Variants in AKAP7 observed in about 807,000 individuals in gnomAD.
AKAP7 encodes the protein A kinase (PRKA) anchor protein 7.
In AKAP7, 39 loss-of-function variants were observed where a neutral mutation model predicts 39.5. That is an observed-to-expected ratio of 0.99 (90% CI 0.76 to 1.29). The LOEUF (loss-of-function observed/expected upper bound fraction) is 1.29. Among genes scored for constraint, AKAP7 ranks in the 50% most tolerant of loss-of-function variants. The pLI, the probability that AKAP7 is intolerant of heterozygous loss-of-function variation, is 0.00. For missense variants in AKAP7, 414 were observed against 407.7 expected (o/e 1.02, Z -0.13); for synonymous variants, 140 against 139.1 (o/e 1.01, Z -0.05).
the AKAP7 span, among the ~76,000 whole-genome samples, chr6:131,129,838 T>A: frequency 1.4e-3 from 211 of 152,362 alleles, 1 homozygote; most frequent in African/African-American, 4.7e-3. Context: ...TTTGGCCGTG[T>A]CTTGTAGAAC....
intron 6 of AKAP7, among the ~76,000 whole-genome samples, chr6:131,210,145 C>A (rs1410969015): frequency 6.6e-6 from 1 of 152,184 alleles, no homozygotes; most frequent in African/African-American, 2.4e-5. Context: ...CAATCCAAAA[C>A]CATAACTAGT....
intron 7 of AKAP7, among the ~76,000 whole-genome samples, chr6:131,275,311 C>T (rs575867976): frequency 6.6e-6 from 1 of 152,212 alleles, no homozygotes; most frequent in Non-Finnish European, 1.5e-5. Flanking sequence ...TATTGTCATC[C>T]CCATGATACC....
At chr6:131,246,204 C>A (rs1811991516) in intron 7 of AKAP7, among the ~76,000 whole-genome samples, 1 of 151,786 alleles carries the variant, frequency 6.6e-6, no homozygotes, top group African/African-American at 2.4e-5. Flanking sequence ...CCATTAGAGA[C>A]AATAATCAGA....
Position 131,281,498 on chromosome 6 carries a change from C to T in AKAP7, c.851-32C>T. ...CCAAGTTTCTATGGCAATGTGATCT[C>T]AGTGACCTCTCTTCTCTATTGTGGA... is the stretch of plus-strand genomic sequence containing the variant. On this transcript the variant is annotated intron_variant, in intron 7 of 7. Transcript: ENST00000431975. The surrounding 1 kb of genome is among the most constrained non-coding windows in gnomAD (Gnocchi z 4.0). 1 of 1,523,678 alleles carries T rather than the reference C, an allele frequency of 6.6e-7. No individual in the cohort carries two copies. Among genetic ancestry groups the T allele is most frequent in the Non-Finnish European group, 8.8e-7 (1 of 1,130,000 alleles). 94.4% of individuals were successfully genotyped at this position (1,523,678 alleles called of 1,614,324 possible).
chr6:131,151,130 C>T (rs1801876404), intron 2 of AKAP7, among the ~76,000 whole-genome samples: 1 of 151,934 alleles, frequency 6.6e-6, no homozygotes, highest in Admixed American at 6.6e-5. Flanking sequence ...GCAACCTCTG[C>T]CTCCTGGGTT....
At chr6:131,168,967 T>G in intron 4 of AKAP7, 146 bp from the exon 5 acceptor site, 1 of 691,746 alleles carries the variant, frequency 1.4e-6, no homozygotes, top group Non-Finnish European at 2.3e-6. Context: ...AATCATAAAG[T>G]TTAGATTTAG....
intron 7 of AKAP7, among the ~76,000 whole-genome samples, chr6:131,255,159 G>A (rs933836687): frequency 1.3e-5 from 2 of 152,100 alleles, no homozygotes; most frequent in Non-Finnish European, 2.9e-5. Context: ...TCACATGTCT[G>A]CTCTATCTTA....
chr6:131,137,931 C>A (rs1407452821), intron 1 of AKAP7, among the ~76,000 whole-genome samples: 1 of 152,162 alleles, frequency 6.6e-6, no homozygotes, highest in Non-Finnish European at 1.5e-5. Flanking sequence ...AGAGCATATG[C>A]AATTTTATAT....
At chr6:131,209,282 G>A (rs556477359) in intron 6 of AKAP7, among the ~76,000 whole-genome samples, 75 of 151,570 alleles carry the variant, frequency 4.9e-4, no homozygotes, top group African/African-American at 1.7e-3. Context: ...ATGGAGTCTC[G>A]CTCTGACTCC....
At chr6:131,272,824 G>T (rs1163049356) in intron 7 of AKAP7, among the ~76,000 whole-genome samples, 1 of 152,148 alleles carries the variant, frequency 6.6e-6, no homozygotes, top group Non-Finnish European at 1.5e-5. Context: ...GTATTCTGTT[G>T]TTGGCTGGAG....
In AKAP7 at chr6:131,272,197, T is replaced by A. The variant is rs557222523; in HGVS notation, c.851-9333T>A. Among the ~76,000 whole-genome samples, 8 of 152,368 alleles carry A rather than the reference T, an allele frequency of 5.3e-5. No individual in the cohort carries two copies. In the East Asian group the frequency reaches 1.5e-3, roughly 29 times the overall value. On this transcript the variant is annotated intron_variant, in intron 7 of 7. Transcript: ENST00000431975. ...CCTGATTATCCTCTTAATGTTTGTA[T>A]AATCGATAGTGATGTTTCCACCCCC...
rs761198146 is a variant in AKAP7, at chr6:131,169,802, TTTTTA to T, written c.589+534_589+538del. ...GTATTAGCCTACATGCTGTGAGAAA[TTTTTA>T]TTTTCACTTCATTTCATGTCATGTC... On this transcript the variant is annotated intron_variant, in intron 5 of 7. Coordinates refer to ENST00000431975, the MANE Select transcript of AKAP7 (RefSeq NM_016377.4). Among the ~76,000 whole-genome samples the T allele has an allele frequency of 2.2e-3, 334 of 152,156 alleles. 1 individual carries two copies. The highest frequency in any genetic ancestry group is 3.4e-3 in the Non-Finnish European group (228 of 68,000).
intron 7 of AKAP7, among the ~76,000 whole-genome samples, chr6:131,269,673 T>C (rs150692326): frequency 1.0e-3 from 152 of 152,308 alleles, no homozygotes; most frequent in African/African-American, 3.4e-3. Flanking sequence ...AATCAGAATA[T>C]TGGCTACCAA....
chr6:131,137,041 A>T (rs978703190), intron 1 of AKAP7, among the ~76,000 whole-genome samples: 1 of 152,190 alleles, frequency 6.6e-6, no homozygotes. Flanking sequence ...GGCTCACTGC[A>T]GCCTAGATCG....
At chr6:131,164,231 G>A (rs1225983726) in intron 3 of AKAP7, 1 of 359,242 alleles carries the variant, frequency 2.8e-6, no homozygotes, top group African/African-American at 2.1e-5. Context: ...TCTGTCTTCT[G>A]TTCCCTTAGG....
At chr6:131,185,450 C>A in intron 5 of AKAP7, 1 of 410,442 alleles carries the variant, frequency 2.4e-6, no homozygotes, top group South Asian at 2.9e-5. Context: ...GTACTGCTCC[C>A]AAGGAACTTC....
intron 2 of AKAP7, among the ~76,000 whole-genome samples, chr6:131,154,606 C>T (rs1360361475): frequency 6.6e-6 from 1 of 151,016 alleles, no homozygotes; most frequent in South Asian, 2.1e-4. Context: ...AGACATATTA[C>T]TTTATCTGTA....
At chr6:131,205,807 T>G (rs1808042504) in intron 6 of AKAP7, among the ~76,000 whole-genome samples, 1 of 152,192 alleles carries the variant, frequency 6.6e-6, no homozygotes, top group African/African-American at 2.4e-5. Context: ...AAAGGAATCA[T>G]TATCATTGTA....
chr6:131,262,618 A>ATAT (rs1554220360), intron 7 of AKAP7, among the ~76,000 whole-genome samples: 13 of 151,766 alleles, frequency 8.6e-5, no homozygotes, highest in Admixed American at 7.9e-4. Context: ...TTTTTAAAAA[A>ATAT]ATATATATAT....
Sources: gnomAD v4.1 joint callset for allele counts (sites outside exome capture counted in the v4.1 genomes callset) on GRCh38, gnomAD v4.1.1 for gene constraint, Gnocchi (gnomAD v3.1) non-coding constraint, MANE v1.5 for transcripts, NCBI Gene and HGNC (gene_info 2026-07-23, HGNC 2026-07-21) for gene names.